Variants in PHKA2 observed in about 807,000 individuals in gnomAD.
The protein encoded by PHKA2 is phosphorylase kinase regulatory subunit alpha 2.
A neutral mutation model predicts 102.0 loss-of-function variants in PHKA2; 31 were observed. That is an observed-to-expected ratio of 0.30 (90% CI 0.23 to 0.41). The LOEUF is 0.41. Among genes scored for constraint, PHKA2 ranks in the 10% least tolerant of loss-of-function variants. The pLI, the probability that PHKA2 is intolerant of heterozygous loss-of-function variation, is 1.00. For synonymous variants in PHKA2, 455 were observed against 416.2 expected, an observed-to-expected ratio of 1.09 and a Z score of -1.13; for missense variants, 858 against 1,023.1, an observed-to-expected ratio of 0.84 and a Z score of 2.20.
At chrX:18,927,467 G>A (rs962292441) in intron 13 of PHKA2, among the ~76,000 whole-genome samples, 1 of 112,115 alleles carries the variant, frequency 8.9e-6, no homozygotes, top group African/African-American at 3.2e-5. Flanking sequence ...CTGCGGCCGA[G>A]CCCCCTGGAA....
intron 26 of PHKA2, 74 bp from the exon 27 acceptor site, chrX:18,901,677 C>G (rs764134619): frequency 1.5e-6 from 1 of 688,154 alleles, no homozygotes; most frequent in East Asian, 3.2e-5. Context: ...CTGCCCCTGT[C>G]TCCCCCACTT....
intron 29 of PHKA2, 64 bp from the exon 30 acceptor site, chrX:18,897,397 A>T (rs1040339432): frequency 9.1e-7 from 1 of 1,094,519 alleles, no homozygotes; most frequent in Non-Finnish European, 1.2e-6. Context: ...AAAGTGCGCC[A>T]TCTCGAAGGG....
rs866925614 is a variant in PHKA2 at position 18,929,254 on chromosome X, G to T, written c.1298C>A (p.Ser433Ter). ...TTGTACTACAACATCAGGTTTGACT[G>T]AAGTGGAAAATCTTCTATTTAAGGG... is the stretch of plus-strand genomic sequence containing the variant. The part of the protein sequence containing the change: ...IDPLNRRFST[S>*]VKPDVVVQVT... Residue 433 changes from serine to a stop codon, truncating the protein, a stop_gained, in exon 13 of 33, where the codon TCA becomes TAA. Transcript: ENST00000379942. LOFTEE classifies it high-confidence loss of function. The T allele has an allele frequency of 8.5e-7, 1 of 1,172,123 alleles. No homozygotes were observed. The highest frequency in any genetic ancestry group is 2.4e-5 in the Admixed American group (1 of 42,418).
intron 19 of PHKA2, chrX:18,915,607 G>A (rs1405970106): frequency 9.5e-6 from 1 of 105,265 alleles, no homozygotes; most frequent in Non-Finnish European, 2.0e-5. Flanking sequence ...AGAATTCTTG[G>A]GTTCAAGGAA....
rs142251300 is a variant in PHKA2, at chrX:18,902,247, C to T, written c.2909-644G>A. On this transcript the variant is annotated intron_variant, in intron 26 of 32. Transcript: ENST00000379942. ...GCCTCCTGGGCTCAGGCGATCCTTCCGCTTCAGCCTCCCAAGTAGCTAGGA... is the reference window on the plus strand; with the variant it reads ...GCCTCCTGGGCTCAGGCGATCCTTCTGCTTCAGCCTCCCAAGTAGCTAGGA... 6.9e-3 allele frequency among the ~76,000 whole-genome samples: 763 copies of T among 110,338 alleles called. 11 individuals are homozygous for T. The highest frequency in any genetic ancestry group is 0.024 in the African/African-American group (728 of 30,310).
intron 17 of PHKA2, among the ~76,000 whole-genome samples, chrX:18,921,023 A>G (rs2048108595): frequency 8.9e-6 from 1 of 111,874 alleles, no homozygotes; most frequent in Non-Finnish European, 1.9e-5. Context: ...CTTCAGCCTC[A>G]AAAGGGCTAT....
chrX:18,924,392 C>T lies in PHKA2; in HGVS notation c.1703G>A (p.Arg568His), dbSNP rs1370838997. 2.5e-6 allele frequency: 3 copies of T among 1,210,671 alleles called. No homozygotes were observed. The highest frequency in any genetic ancestry group is 5.9e-5 in the East Asian group (2 of 33,825). ...GRPTLTFPIS[R>H]TMLTNDGSDI... ...ATCCCTGGAGTTACTGAGCATGGTG[C>T]GACTGATGGGGAAGGTGAGTGTGGG... Residue 568 changes from arginine (R) to histidine (H), a missense_variant, in exon 16 of 33, where the codon CGC (arginine) becomes CAC (histidine). Physicochemically the swap from Arg to His is conservative, Grantham distance 29. This residue lies in a region of PHKA2 where 671 missense variants were observed against 745.2 expected (regional missense o/e 0.90). Coordinates refer to ENST00000379942, the MANE Select transcript of PHKA2 (RefSeq NM_000292.3).
chrX:18,948,253 C>T (rs1290304168), intron 5 of PHKA2, among the ~76,000 whole-genome samples: 1 of 112,090 alleles, frequency 8.9e-6, no homozygotes, highest in East Asian at 2.8e-4. Flanking sequence ...GCAGGAGGAT[C>T]ACCTGAGGTC....
chrX:18,908,947 G>C lies in PHKA2; in HGVS notation c.2227-13C>G. ...CACTTTCAGGAACCTGTTCATACAA[G>C]AGCCAGAAAGCAGGGAGATGGGCTA... On this transcript the variant is annotated splice_polypyrimidine_tract_variant and intron_variant, in intron 20 of 32. Transcript: ENST00000379942. 2.5e-6 allele frequency: 3 copies of C among 1,210,587 alleles called. No individual in the cohort carries two copies. Among genetic ancestry groups the C allele is most frequent in the Non-Finnish European group, 3.4e-6 (3 of 894,550 alleles).
rs755479182 is a variant in PHKA2 at position 18,954,226 on chromosome X, C to A, written c.237+28G>T. 12 of 1,203,942 alleles carry A rather than the reference C, an allele frequency of 1.0e-5. No individual in the cohort carries two copies. The Admixed American group carries it at 2.6e-4, about 26-fold the overall frequency. On this transcript the variant is annotated intron_variant, in intron 2 of 32. Transcript: ENST00000379942. The stretch of plus-strand genomic sequence containing the variant: ...GTTCAAGGAGAAGGTGGCTGAGCAG[C>A]CGAGATACAGCTGTCAGTCACTATT...
intron 1 of PHKA2, among the ~76,000 whole-genome samples, chrX:18,980,350 T>C (rs746553413): frequency 8.9e-6 from 1 of 112,552 alleles, no homozygotes; most frequent in Non-Finnish European, 1.9e-5. Flanking sequence ...CTCTGTCTCC[T>C]GCCTGCCCCT....
chrX:18,914,800 G>C (rs1163592730), intron 19 of PHKA2, among the ~76,000 whole-genome samples: 2 of 111,818 alleles, frequency 1.8e-5, no homozygotes, highest in African/African-American at 3.3e-5. Context: ...AATCCACTAG[G>C]AGATTGTAGA....
chrX:18,966,590 T>A (rs1269047669), intron 1 of PHKA2, among the ~76,000 whole-genome samples: 1 of 112,334 alleles, frequency 8.9e-6, no homozygotes, highest in East Asian at 2.8e-4. Flanking sequence ...TTAAACGCTG[T>A]CCAGAAAAGA....
chrX:18,955,493 T>C (rs1469638750), intron 1 of PHKA2, among the ~76,000 whole-genome samples: 1 of 110,479 alleles, frequency 9.1e-6, no homozygotes, highest in Non-Finnish European at 1.9e-5. Context: ...GTGAATTGTA[T>C]GGTAAGTAAA....
At chrX:18,893,786 A>T (rs935745917) in intron 32 of PHKA2, 131 bp from the exon 33 acceptor site, 1 of 617,408 alleles carries the variant, frequency 1.6e-6, no homozygotes, top group South Asian at 2.4e-5. Context: ...GCCTTCTGAG[A>T]GGCTCCAATT....
chrX:18,918,216 A>C (rs1194926271), intron 19 of PHKA2, among the ~76,000 whole-genome samples: 2 of 112,469 alleles, frequency 1.8e-5, no homozygotes, highest in East Asian at 5.5e-4. Flanking sequence ...AAGCAAAGCA[A>C]ATGAAAAGCC....
chrX:18,929,041 GT>G (rs1167656301), intron 13 of PHKA2, among the ~76,000 whole-genome samples, 186 bp downstream of exon 13: 2 of 112,760 alleles, frequency 1.8e-5, no homozygotes, highest in African/African-American at 6.4e-5. Context: ...TCATTTTGTG[GT>G]TGGGAAGAAT....
At chrX:18,895,107 G>A (rs1835398449) in intron 31 of PHKA2, 31 bp downstream of exon 31, 10 of 1,196,022 alleles carry the variant, frequency 8.4e-6, no homozygotes, top group Non-Finnish European at 1.1e-5. Context: ...AACCCACAGA[G>A]GGGCCCGCCT....
chrX:18,965,821 A>G lies in PHKA2; in HGVS notation c.79-11409T>C, dbSNP rs183750446. 3.1e-3 allele frequency among the ~76,000 whole-genome samples: 350 copies of G among 112,003 alleles called. 3 individuals are homozygous for G. Among genetic ancestry groups the G allele is most frequent in the African/African-American group, 9.7e-3 (298 of 30,840 alleles). On this transcript the variant is annotated intron_variant, in intron 1 of 32. Coordinates refer to ENST00000379942, the MANE Select transcript of PHKA2 (RefSeq NM_000292.3). ...TGTGGTATTTATTTCACTAGTTAAC[A>G]GTGATATTCAAATATAAGCGACAAG... is the stretch of plus-strand genomic sequence containing the variant.
Sources: gnomAD v4.1 joint callset for allele counts (sites outside exome capture counted in the v4.1 genomes callset) on GRCh38, gnomAD v4.1.1 for gene constraint, gnomAD v4.1.1 regional missense constraint, MANE v1.5 for transcripts, NCBI Gene and HGNC (gene_info 2026-07-23, HGNC 2026-07-21) for gene names.